ALMS1: variants seen among roughly 807,000 people sequenced by gnomAD.
ALMS1 encodes the protein centrosome-associated protein ALMS1.
ALMS1 carries 271 observed loss-of-function variants against 352.2 expected under a neutral mutation model. The observed-to-expected ratio is 0.77, with a 90% CI of 0.70 to 0.85. The LOEUF is 0.85. Among genes scored for constraint, ALMS1 ranks in the 40% least tolerant of loss-of-function variants. The probability of loss-of-function intolerance (pLI) is 0.00; values close to 1 mark genes in which losing one functional copy is unlikely to be tolerated. For synonymous variants in ALMS1, 1,865 were observed against 1,761.2 expected, an observed-to-expected ratio of 1.06 and a Z score of -1.48; for missense variants, 5,445 against 4,870.7, an observed-to-expected ratio of 1.12 and a Z score of -3.51.
intron 16 of ALMS1, among the ~76,000 whole-genome samples, chr2:73,596,860 C>CTTTTTTTTT (rs70965740): frequency 1.2e-4 from 13 of 104,248 alleles, no homozygotes; most frequent in African/African-American, 1.5e-4. Context: ...CCCTCTACCT[C>CTTTTTTTTT]TTTTTTTTTT....
rs563640766 is a variant in ALMS1, at chr2:73,542,712, C to T, written c.9908-7555C>T. On this transcript the variant is annotated intron_variant, in intron 12 of 22. Transcript: ENST00000613296. Reference sequence around the variant, plus strand: ...TAGAAAAATCACAAGCATTCCTATACACCAATAGCAGACAAACCGAGAGCC... The same window carrying T: ...TAGAAAAATCACAAGCATTCCTATATACCAATAGCAGACAAACCGAGAGCC... Among the ~76,000 whole-genome samples, 3 of 152,216 alleles carry T rather than the reference C, an allele frequency of 2.0e-5. No individual in the cohort carries two copies. The East Asian group carries it at 5.8e-4, about 29-fold the overall frequency.
chr2:73,468,516 CTT>C (rs2103835765), intron 9 of ALMS1, among the ~76,000 whole-genome samples: 2 of 152,082 alleles, frequency 1.3e-5, no homozygotes, highest in South Asian at 4.1e-4. Flanking sequence ...AAAACTGAAA[CTT>C]ATACCCATTA....
intron 10 of ALMS1, among the ~76,000 whole-genome samples, chr2:73,509,562 T>C (rs1187744247): frequency 6.6e-6 from 1 of 152,190 alleles, no homozygotes; most frequent in Non-Finnish European, 1.5e-5. Flanking sequence ...AAAATTCTTT[T>C]CTTTAAGAAT....
At chr2:73,565,119 A>G (rs181230111) in intron 15 of ALMS1, among the ~76,000 whole-genome samples, 87 of 152,368 alleles carry the variant, frequency 5.7e-4, no homozygotes, top group Non-Finnish European at 7.5e-4. Flanking sequence ...GCTCATAGTC[A>G]AGGCACTATT....
chr2:73,551,324 C>G (rs750687189), intron 13 of ALMS1, among the ~76,000 whole-genome samples: 2 of 151,896 alleles, frequency 1.3e-5, no homozygotes, highest in Non-Finnish European at 2.9e-5. Context: ...GCAGGACATC[C>G]ATTCTCTTGT....
intron 10 of ALMS1, among the ~76,000 whole-genome samples, chr2:73,514,319 T>C (rs1673511889): frequency 6.6e-6 from 1 of 152,014 alleles, no homozygotes; most frequent in Admixed American, 6.6e-5. Flanking sequence ...CTTCTTTTAC[T>C]TTTTTTTCTT....
chr2:73,416,625 C>T (rs17349321), intron 2 of ALMS1, among the ~76,000 whole-genome samples: 19,895 of 152,056 alleles, frequency 0.13, 1,499 homozygotes, highest in Admixed American at 0.18. Context: ...TCTGTACCAC[C>T]CGGGAATTAA....
intron 19 of ALMS1, among the ~76,000 whole-genome samples, 172 bp downstream of exon 19, chr2:73,601,608 G>A (rs1253371098): frequency 6.6e-6 from 1 of 152,226 alleles, no homozygotes; most frequent in Non-Finnish European, 1.5e-5. Flanking sequence ...CTCATCATCT[G>A]TCAAAGGCTG....
rs767905981 is a variant in ALMS1, at chr2:73,449,408, T to A, written c.2881T>A (p.Ser961Thr). Reference protein sequence around the residue: ...SSNSHSHSEKSSVFYQQELPD... With the variant: ...SSNSHSHSEKTSVFYQQELPD... ...TAATTCTCACTCACATAGCGAGAAA[T>A]CTAGTGTTTTCTACCAGCAAGAGTT... Residue 961 changes from serine (S) to threonine (T), a missense_variant, in exon 8 of 23, where the codon TCT becomes ACT. By Grantham distance (58) the Ser-to-Thr change is moderately conservative. Coordinates refer to ENST00000613296, the MANE Select transcript of ALMS1 (RefSeq NM_001378454.1). The A allele has an allele frequency of 1.2e-6, 2 of 1,613,930 alleles. No homozygotes were observed. The highest frequency in any genetic ancestry group is 8.5e-7 in the Non-Finnish European group (1 of 1,179,946).
chr2:73,551,425 C>CTTTTTT (rs372741747), intron 13 of ALMS1, among the ~76,000 whole-genome samples: 46 of 73,696 alleles, frequency 6.2e-4, no homozygotes, highest in Non-Finnish European at 7.9e-4. Context: ...GAGTTTCAAT[C>CTTTTTT]TTTTTTTTTT....
At chr2:73,492,752 T>G (rs1673017992) in intron 10 of ALMS1, among the ~76,000 whole-genome samples, 2 of 152,212 alleles carry the variant, frequency 1.3e-5, no homozygotes, top group South Asian at 4.1e-4. Context: ...CCTTTAAAAT[T>G]TTTTTCTTTG....
At chr2:73,466,403 A>G (rs1672344992) in intron 9 of ALMS1, among the ~76,000 whole-genome samples, 1 of 146,884 alleles carries the variant, frequency 6.8e-6, no homozygotes, top group Non-Finnish European at 1.5e-5. Context: ...CAAACACCAC[A>G]TGTTCTCACT....
chr2:73,460,923 G>C (rs1260044728), intron 9 of ALMS1, among the ~76,000 whole-genome samples: 1 of 152,228 alleles, frequency 6.6e-6, no homozygotes, highest in Non-Finnish European at 1.5e-5. Flanking sequence ...GCTTGATTAG[G>C]TAAACAAAGC....
chr2:73,480,878 T>G (rs1672686552), intron 9 of ALMS1, among the ~76,000 whole-genome samples: 1 of 150,512 alleles, frequency 6.6e-6, no homozygotes, highest in East Asian at 1.9e-4. Context: ...TGTCTTCTTT[T>G]GAGAAGTGTC....
chr2:73,478,248 G>C (rs1672622372), intron 9 of ALMS1, among the ~76,000 whole-genome samples: 1 of 152,108 alleles, frequency 6.6e-6, no homozygotes, highest in Non-Finnish European at 1.5e-5. Flanking sequence ...TGGTTGGTTT[G>C]TTGTAAAATT....
At chr2:73,550,611 G>A (rs766348218) in intron 13 of ALMS1, among the ~76,000 whole-genome samples, 174 bp downstream of exon 13, 5 of 151,968 alleles carry the variant, frequency 3.3e-5, no homozygotes, top group Non-Finnish European at 7.4e-5. Flanking sequence ...TAATAATAAA[G>A]GAAGCATAAG....
Position 73,602,320 on chromosome 2 carries a change from A to T in ALMS1, c.12250A>T (p.Arg4084Trp). The T allele has an allele frequency of 6.2e-7, 1 of 1,614,244 alleles. No individual in the cohort carries two copies. Among genetic ancestry groups the T allele is most frequent in the Non-Finnish European group, 8.5e-7 (1 of 1,180,022 alleles). Residue 4084 changes from arginine to tryptophan, a missense_variant, in exon 20 of 23, where the codon AGG (arginine) becomes TGG (tryptophan). Physicochemically the swap from Arg to Trp is moderately radical, Grantham distance 101. Transcript: ENST00000613296. Reference sequence around the variant, plus strand: ...GCGGGATGCACTATTCAACATTGACAGGGAACGGCAGGGCCACCAGAATCG... The same window carrying T: ...GCGGGATGCACTATTCAACATTGACTGGGAACGGCAGGGCCACCAGAATCG... The part of the protein sequence containing the change: ...TERDALFNID[R>W]ERQGHQNRMC...
At chr2:73,573,621 G>A (rs867331723) in intron 16 of ALMS1, 197 bp downstream of exon 16, 10 of 690,974 alleles carry the variant, frequency 1.4e-5, no homozygotes, top group South Asian at 5.0e-5. Context: ...ATTCATTTAC[G>A]AATTACCTTT....
At chr2:73,431,279 A>T (rs970750595) in intron 6 of ALMS1, among the ~76,000 whole-genome samples, 1 of 152,184 alleles carries the variant, frequency 6.6e-6, no homozygotes, top group African/African-American at 2.4e-5. Flanking sequence ...ATAGAAATAG[A>T]TATGGAATGT....
Sources: gnomAD v4.1 joint callset for allele counts (sites outside exome capture counted in the v4.1 genomes callset) on GRCh38, gnomAD v4.1.1 for gene constraint, MANE v1.5 for transcripts, NCBI Gene and HGNC (gene_info 2026-07-23, HGNC 2026-07-21) for gene names.